Variants in PHC2 observed in about 807,000 individuals in gnomAD.
PHC2 encodes polyhomeotic-like protein 2.
Under a neutral mutation model 87.4 loss-of-function variants are expected in PHC2, and 29 were observed. That is an observed-to-expected ratio of 0.33 (90% CI 0.25 to 0.45). The LOEUF is 0.45. Among genes scored for constraint, PHC2 ranks in the 20% least tolerant of loss-of-function variants. PHC2 has a pLI of 1.00. For missense variants in PHC2, 857 were observed against 1,136.7 expected (o/e 0.75, Z 3.54); for synonymous variants, 438 against 461.7 (o/e 0.95, Z 0.66).
At chr1:33,340,439 C>T (rs1342704498) in intron 9 of PHC2, among the ~76,000 whole-genome samples, 1 of 152,218 alleles carries the variant, frequency 6.6e-6, no homozygotes, top group Non-Finnish European at 1.5e-5. Flanking sequence ...CAGTGGAGCA[C>T]TGCAGAGTGA....
chr1:33,357,489 G>C (rs529560456), intron 7 of PHC2, among the ~76,000 whole-genome samples: 1 of 152,348 alleles, frequency 6.6e-6, no homozygotes, highest in Non-Finnish European at 1.5e-5. Flanking sequence ...CGTAGTCAGA[G>C]AGAGAGGGAC....
intron 7 of PHC2, among the ~76,000 whole-genome samples, chr1:33,362,731 T>C (rs906117296): frequency 6.7e-6 from 1 of 149,080 alleles, no homozygotes; most frequent in Non-Finnish European, 1.5e-5. Context: ...CCAGCTGAGA[T>C]ACTCCTCCTC....
At chr1:33,374,913 GCAGTGAGCCGC>G (rs1196457942) in intron 2 of PHC2, among the ~76,000 whole-genome samples, 1 of 152,212 alleles carries the variant, frequency 6.6e-6, no homozygotes, top group Non-Finnish European at 1.5e-5. Flanking sequence ...GCATTTAGGA[GCAGTGAGCCGC>G]CACCTGGAAG....
At chr1:33,336,219 T>C (rs1388550885) in intron 9 of PHC2, among the ~76,000 whole-genome samples, 1 of 151,982 alleles carries the variant, frequency 6.6e-6, no homozygotes, top group Non-Finnish European at 1.5e-5. Context: ...GAACTCCTGA[T>C]CTCAGGTGGT....
chr1:33,372,180 G>T, intron 3 of PHC2, 109 bp downstream of exon 3: 3 of 1,092,660 alleles, frequency 2.7e-6, no homozygotes, highest in African/African-American at 1.6e-5. Flanking sequence ...TCTTTAGGTT[G>T]CAGGTAAGAG....
intron 6 of PHC2, 120 bp from the exon 7 acceptor site, chr1:33,367,548 CAGAG>C (rs920017488): frequency 1.3e-6 from 1 of 791,382 alleles, no homozygotes; most frequent in East Asian, 2.6e-5. Flanking sequence ...GTTGTCAAAT[CAGAG>C]AGAGAGAATG....
intron 1 of PHC2, 113 bp from the exon 2 acceptor site, chr1:33,375,706 G>T: frequency 1.6e-6 from 1 of 607,438 alleles, no homozygotes; most frequent in Non-Finnish European, 2.7e-6. Flanking sequence ...ACCAACCACA[G>T]GATCAAAAAT....
At chr1:33,356,589 C>T (rs1557831285) in intron 7 of PHC2, among the ~76,000 whole-genome samples, 3 of 152,034 alleles carry the variant, frequency 2.0e-5, no homozygotes, top group Admixed American at 6.5e-5. Flanking sequence ...GCACATGTTT[C>T]AGAGAGCACG....
intron 7 of PHC2, among the ~76,000 whole-genome samples, chr1:33,358,512 CA>C (rs377132873): frequency 6.6e-6 from 1 of 151,046 alleles, no homozygotes; most frequent in African/African-American, 2.4e-5. Context: ...TATCCTGGAT[CA>C]AAAAAAAATC....
chr1:33,401,436 C>T (rs1028316307), intron 1 of PHC2, among the ~76,000 whole-genome samples: 5 of 152,170 alleles, frequency 3.3e-5, no homozygotes, highest in Non-Finnish European at 7.3e-5. Flanking sequence ...GCCCTGATAT[C>T]GAGCTCTACT....
intron 7 of PHC2, chr1:33,359,146 A>T (rs1012736255): frequency 8.5e-5 from 13 of 152,218 alleles, no homozygotes; most frequent in African/African-American, 3.1e-4. Flanking sequence ...AATTTATGTG[A>T]GACATTTGTT....
rs1646912778 is a variant in PHC2, at chr1:33,349,383, G to A, written c.1558+5018C>T. The A allele has an allele frequency of 1.0e-6, 1 of 985,390 alleles. No homozygotes were observed. The highest frequency in any genetic ancestry group is 1.2e-6 in the Non-Finnish European group (1 of 829,948). The allele number at this position is 985,390 out of a possible 1,614,324, so 61.0% of individuals were successfully genotyped here. ...CGCGCCGAGGTGACACGGCTTCCAG[G>A]GGCGACGGGCGCGCAGGGTCCCCAG... On this transcript the variant is annotated intron_variant, in intron 9 of 14. Coordinates refer to ENST00000683057, the MANE Select transcript of PHC2 (RefSeq NM_001385109.1). This position sits in a 1 kb window ranked among gnomAD's most constrained non-coding sequence, Gnocchi z 4.2.
chr1:33,422,547 A>C (rs1650471928), intron 1 of PHC2, among the ~76,000 whole-genome samples: 2 of 152,334 alleles, frequency 1.3e-5, no homozygotes, highest in South Asian at 4.1e-4. Context: ...CATGATCAGA[A>C]ACCAAATTTT....
chr1:33,410,966 T>C (rs528179852), intron 1 of PHC2, among the ~76,000 whole-genome samples: 2 of 152,280 alleles, frequency 1.3e-5, no homozygotes, highest in South Asian at 2.1e-4. Flanking sequence ...CCTTGTTTTG[T>C]TTATCACCCA....
chr1:33,373,915 G>A (rs1161519237), intron 2 of PHC2, among the ~76,000 whole-genome samples: 1 of 152,122 alleles, frequency 6.6e-6, no homozygotes, highest in Non-Finnish European at 1.5e-5. Context: ...CAGATTTGGG[G>A]TTCTGTAAAA....
intron 1 of PHC2, among the ~76,000 whole-genome samples, chr1:33,421,006 C>T (rs1171265893): frequency 6.6e-6 from 1 of 152,142 alleles, no homozygotes; most frequent in African/African-American, 2.4e-5. Flanking sequence ...TAAGAATTAA[C>T]GTTATGCTCT....
At chr1:33,358,157 G>T (rs1448380155) in intron 7 of PHC2, among the ~76,000 whole-genome samples, 1 of 152,178 alleles carries the variant, frequency 6.6e-6, no homozygotes, top group Admixed American at 6.5e-5. Flanking sequence ...GAGGAAAAAG[G>T]ATTACAGAGG....
intron 7 of PHC2, chr1:33,358,989 A>C (rs1647144947): frequency 6.6e-6 from 1 of 151,876 alleles, no homozygotes; most frequent in Non-Finnish European, 1.5e-5. Context: ...TTGAATTCCA[A>C]CTCTGCTGCT....
intron 1 of PHC2, among the ~76,000 whole-genome samples, chr1:33,378,976 T>G (rs996664192): frequency 4.6e-5 from 7 of 152,070 alleles, no homozygotes; most frequent in African/African-American, 1.7e-4. Context: ...TCCCCAGTAC[T>G]GCTCAGTTTG....
Sources: gnomAD v4.1 joint callset for allele counts (sites outside exome capture counted in the v4.1 genomes callset) on GRCh38, gnomAD v4.1.1 for gene constraint, Gnocchi (gnomAD v3.1) non-coding constraint, MANE v1.5 for transcripts, NCBI Gene and HGNC (gene_info 2026-07-23, HGNC 2026-07-21) for gene names.